The following CACNA2D3 variants were observed in gnomAD, a reference collection of about 807,000 sequenced individuals.
CACNA2D3 encodes the protein calcium voltage-gated channel auxiliary subunit alpha2delta 3, also known as voltage-dependent calcium channel subunit alpha-2/delta-3.
Under a neutral mutation model 160.6 loss-of-function variants are expected in CACNA2D3, and 60 were observed. That is an observed-to-expected ratio of 0.37 (90% confidence interval 0.30 to 0.46). The LOEUF (loss-of-function observed/expected upper bound fraction) is 0.46, where lower values mean the gene tolerates loss of function less well. Among genes scored for constraint, CACNA2D3 ranks in the 20% least tolerant of loss-of-function variants. The probability of loss-of-function intolerance (pLI) is 1.00; values close to 1 mark genes in which losing one functional copy is unlikely to be tolerated. For synonymous variants in CACNA2D3, 558 were observed against 492.9 expected (o/e 1.13, Z -1.75); for missense variants, 1,205 against 1,365.0 (o/e 0.88, Z 1.85).
intron 11 of CACNA2D3, among the ~76,000 whole-genome samples, chr3:54,681,913 C>T (rs1700358287): frequency 6.6e-6 from 1 of 152,030 alleles, no homozygotes; most frequent in Non-Finnish European, 1.5e-5. Context: ...AAACTTTTGG[C>T]CTCAAGTGAT....
rs756760811 is a variant in CACNA2D3 at position 55,007,861 on chromosome 3, AT to A, written c.2819+26del. 100 of 1,498,608 alleles carry A rather than the reference AT, an allele frequency of 6.7e-5. No individual in the cohort carries two copies. The East Asian group carries it at 1.0e-3, about 15-fold the overall frequency. The allele number at this position is 1,498,608 out of a possible 1,614,324, so 92.8% of individuals were successfully genotyped here. On this transcript the variant is annotated intron_variant, in intron 33 of 37. Transcript: ENST00000474759. The stretch of plus-strand genomic sequence containing the variant: ...TTGTCTTGTAAGTAAAATCTGCTGC[AT>A]TTTTTTGAAAAGTATTAATATTTTC...
intron 2 of CACNA2D3, among the ~76,000 whole-genome samples, chr3:54,318,237 G>A (rs1489171562): frequency 6.6e-6 from 1 of 152,150 alleles, no homozygotes; most frequent in African/African-American, 2.4e-5. Flanking sequence ...ACGGTTTTGG[G>A]GTCTGGGATG....
intron 2 of CACNA2D3, among the ~76,000 whole-genome samples, chr3:54,288,362 G>T (rs1703089596): frequency 6.6e-6 from 1 of 152,102 alleles, no homozygotes; most frequent in African/African-American, 2.4e-5. Flanking sequence ...ACCCTCCCAA[G>T]ACTAAACCAG....
intron 5 of CACNA2D3, among the ~76,000 whole-genome samples, chr3:54,519,359 G>A (rs936195482): frequency 1.3e-5 from 2 of 152,176 alleles, no homozygotes; most frequent in Admixed American, 1.3e-4. Flanking sequence ...CAGCCCAAAT[G>A]CAATCTGGGG....
Position 54,455,452 on chromosome 3 carries a change from T to C in CACNA2D3, c.382-48040T>C, listed in dbSNP as rs150738737. Among the ~76,000 whole-genome samples, 404 of 152,254 alleles carry C rather than the reference T, an allele frequency of 2.7e-3. 6 individuals carry two copies. Among genetic ancestry groups the C allele is most frequent in the Admixed American group, 0.014 (217 of 15,282 alleles). On this transcript the variant is annotated intron_variant, in intron 4 of 37. Transcript: ENST00000474759. ...CAGATTATTTGTTTTTCTAATGTTG[T>C]ATGAGTTTTTTGTATAATAATCCAT...
At chr3:54,480,796 A>T (rs923689799) in intron 4 of CACNA2D3, among the ~76,000 whole-genome samples, 1 of 152,166 alleles carries the variant, frequency 6.6e-6, no homozygotes, top group African/African-American at 2.4e-5. Context: ...AGACTCCAGA[A>T]TCTGAAATGT....
chr3:54,855,485 G>T (rs1212925451), intron 17 of CACNA2D3, among the ~76,000 whole-genome samples: 1 of 152,094 alleles, frequency 6.6e-6, no homozygotes, highest in Non-Finnish European at 1.5e-5. Context: ...CTGTGGCCCT[G>T]AGTGATACGA....
At chr3:55,021,913 A>G (rs1703465528) in intron 35 of CACNA2D3, among the ~76,000 whole-genome samples, 1 of 151,908 alleles carries the variant, frequency 6.6e-6, no homozygotes, top group Non-Finnish European at 1.5e-5. Flanking sequence ...ATCTGTGGAA[A>G]CTTGCTTTGT....
intron 2 of CACNA2D3, among the ~76,000 whole-genome samples, chr3:54,285,588 C>A (rs1354470763): frequency 6.6e-6 from 1 of 152,236 alleles, no homozygotes; most frequent in Admixed American, 6.5e-5. Context: ...AGTAGTGGTT[C>A]TCCCAGCACA....
At chr3:54,143,412 A>C (rs1286319161) in intron 2 of CACNA2D3, among the ~76,000 whole-genome samples, 1 of 152,210 alleles carries the variant, frequency 6.6e-6, no homozygotes, top group Non-Finnish European at 1.5e-5. Context: ...CACTATGGAA[A>C]ATTTTGGAAA....
At chr3:54,762,606 C>T (rs765727912) in intron 12 of CACNA2D3, among the ~76,000 whole-genome samples, 2 of 152,314 alleles carry the variant, frequency 1.3e-5, no homozygotes, top group Non-Finnish European at 1.5e-5. Context: ...ATGAAGGGCT[C>T]CCTCCAAGGG....
intron 4 of CACNA2D3, among the ~76,000 whole-genome samples, chr3:54,420,162 GC>G (rs1220072288): frequency 6.6e-6 from 1 of 151,858 alleles, no homozygotes; most frequent in Non-Finnish European, 1.5e-5. Flanking sequence ...TCAGCTCATT[GC>G]ACCCTCCGCC....
chr3:55,012,629 GA>G (rs1703233731), intron 34 of CACNA2D3, among the ~76,000 whole-genome samples: 1 of 152,126 alleles, frequency 6.6e-6, no homozygotes, highest in South Asian at 2.1e-4. Context: ...CCTCCCAGGG[GA>G]ATGGCTGGAG....
chr3:54,622,493 T>C (rs1393408019), intron 9 of CACNA2D3, among the ~76,000 whole-genome samples: 1 of 152,192 alleles, frequency 6.6e-6, no homozygotes, highest in Non-Finnish European at 1.5e-5. Flanking sequence ...GCCAGGACGG[T>C]TGCGATCTCC....
At chr3:54,229,646 ATAAGT>A (rs1701735735) in intron 2 of CACNA2D3, among the ~76,000 whole-genome samples, 1 of 152,120 alleles carries the variant, frequency 6.6e-6, no homozygotes, top group Non-Finnish European at 1.5e-5. Flanking sequence ...AAAGTTTCTG[ATAAGT>A]TAAGAAACCT....
intron 2 of CACNA2D3, among the ~76,000 whole-genome samples, chr3:54,150,784 T>C (rs1700134094): frequency 6.6e-6 from 1 of 152,178 alleles, no homozygotes; most frequent in African/African-American, 2.4e-5. Flanking sequence ...TAAGAGGAGA[T>C]AACTCTTGGT....
At chr3:54,813,048 G>C (rs1703360519) in intron 13 of CACNA2D3, among the ~76,000 whole-genome samples, 1 of 152,148 alleles carries the variant, frequency 6.6e-6, no homozygotes, top group African/African-American at 2.4e-5. Flanking sequence ...CATTCTCCAT[G>C]TTTGAATGTG....
intron 3 of CACNA2D3, among the ~76,000 whole-genome samples, chr3:54,358,464 C>T (rs180803396): frequency 1.2e-4 from 19 of 152,310 alleles, no homozygotes; most frequent in African/African-American, 4.3e-4. Context: ...CTTTGGCAGG[C>T]CACTCGACGT....
intron 2 of CACNA2D3, among the ~76,000 whole-genome samples, chr3:54,157,625 A>C (rs1700267373): frequency 6.6e-6 from 1 of 152,090 alleles, no homozygotes; most frequent in Non-Finnish European, 1.5e-5. Flanking sequence ...CCCTGTCTCT[A>C]CTAAAAAAAT....
Sources: gnomAD v4.1 joint callset for allele counts (sites outside exome capture counted in the v4.1 genomes callset) on GRCh38, gnomAD v4.1.1 for gene constraint, MANE v1.5 for transcripts, NCBI Gene and HGNC (gene_info 2026-07-23, HGNC 2026-07-21) for gene names.